CNTN5: variants seen among roughly 807,000 people sequenced by gnomAD.
The protein encoded by CNTN5 is contactin-5.
In CNTN5, 77 loss-of-function variants were observed where a neutral mutation model predicts 129.1. The ratio of observed to expected loss-of-function variants is 0.60; its 90% CI spans 0.50 to 0.72. CNTN5 has a LOEUF of 0.72. Among genes scored for constraint, CNTN5 ranks in the 30% least tolerant of loss-of-function variants. The pLI, the probability that CNTN5 is intolerant of heterozygous loss-of-function variation, is 0.00. For synonymous variants in CNTN5, 509 were observed against 465.6 expected, an observed-to-expected ratio of 1.09 and a Z score of -1.20; for missense variants, 1,478 against 1,328.8, an observed-to-expected ratio of 1.11 and a Z score of -1.75.
At chr11:99,382,476 C>A (rs566592221) in intron 2 of CNTN5, among the ~76,000 whole-genome samples, 3 of 152,102 alleles carry the variant, frequency 2.0e-5, no homozygotes, top group Non-Finnish European at 4.4e-5. Context: ...AATTTGACAG[C>A]CTCCAATTTA....
intron 16 of CNTN5, among the ~76,000 whole-genome samples, chr11:100,248,064 A>G (rs140293079): frequency 4.6e-5 from 7 of 152,302 alleles, no homozygotes; most frequent in African/African-American, 1.7e-4. Context: ...TCTCCAGAGC[A>G]TATTCCTGCA....
intron 8 of CNTN5, among the ~76,000 whole-genome samples, chr11:99,990,957 G>C (rs1217869280): frequency 6.6e-6 from 1 of 152,154 alleles, no homozygotes; most frequent in Non-Finnish European, 1.5e-5. Context: ...CAGAGCTAGG[G>C]CTGGAGGAGG....
chr11:99,965,945 T>C (rs1205377621), intron 8 of CNTN5, among the ~76,000 whole-genome samples: 1 of 152,194 alleles, frequency 6.6e-6, no homozygotes, highest in African/African-American at 2.4e-5. Flanking sequence ...AAACACTTGT[T>C]CTGAAAATAA....
rs1947480982 is a variant in CNTN5 at position 100,162,261 on chromosome 11, TG to T, written c.1581-28864del. 2.6e-5 allele frequency among the ~76,000 whole-genome samples: 4 copies of T among 151,894 alleles called. No homozygotes were observed. The South Asian group carries it at 8.3e-4, about 31-fold the overall frequency. ...GCCTGACACATATTAACACCATAAA[TG>T]TTAATGATTCTAGTTCTTCCATGCC... On this transcript the variant is annotated intron_variant, in intron 13 of 24. Coordinates refer to ENST00000524871, the MANE Select transcript of CNTN5 (RefSeq NM_014361.4).
At chr11:100,354,736 T>A (rs892857966) in intron 24 of CNTN5, among the ~76,000 whole-genome samples, 1 of 151,686 alleles carries the variant, frequency 6.6e-6, no homozygotes, top group Non-Finnish European at 1.5e-5. Context: ...AGGCATATGG[T>A]ATAGCCTATT....
chr11:100,177,489 A>G (rs950679863), intron 13 of CNTN5, among the ~76,000 whole-genome samples: 8 of 152,208 alleles, frequency 5.3e-5, no homozygotes, highest in African/African-American at 1.4e-4. Context: ...AAACTACTCA[A>G]TGTGTAGTTT....
chr11:100,198,031 A>G (rs17094604), intron 15 of CNTN5, among the ~76,000 whole-genome samples: 10,010 of 151,928 alleles, frequency 0.066, 362 homozygotes, highest in Non-Finnish European at 0.085. Flanking sequence ...GGCCACATAA[A>G]TTGGGGTAAT....
At chr11:99,179,335 G>C (rs1857933029) in intron 1 of CNTN5, among the ~76,000 whole-genome samples, 1 of 152,084 alleles carries the variant, frequency 6.6e-6, no homozygotes, top group South Asian at 2.1e-4. Flanking sequence ...TCAGCTACTT[G>C]AGAGTTTGAG....
intron 1 of CNTN5, among the ~76,000 whole-genome samples, chr11:99,079,175 T>C (rs950820500): frequency 6.6e-6 from 1 of 152,156 alleles, no homozygotes; most frequent in Non-Finnish European, 1.5e-5. Context: ...ATTTGGATAA[T>C]TTTAATGGTA....
intron 9 of CNTN5, among the ~76,000 whole-genome samples, chr11:100,042,366 A>G (rs1010004311): frequency 6.6e-6 from 1 of 152,140 alleles, no homozygotes; most frequent in African/African-American, 2.4e-5. Context: ...TCAAAGATAT[A>G]CAATGTTTCC....
At chr11:99,661,727 T>C (rs1184654095) in intron 3 of CNTN5, among the ~76,000 whole-genome samples, 1 of 152,066 alleles carries the variant, frequency 6.6e-6, no homozygotes, top group Non-Finnish European at 1.5e-5. Context: ...AAAAATCTAA[T>C]ATAAATGTAT....
chr11:100,186,776 A>T (rs1009408497), intron 13 of CNTN5, among the ~76,000 whole-genome samples: 15 of 152,214 alleles, frequency 9.9e-5, no homozygotes, highest in Admixed American at 3.3e-4. Flanking sequence ...AAATTCTATA[A>T]TGTAGAAGCC....
chr11:100,113,783 C>G (rs760969655), intron 13 of CNTN5, among the ~76,000 whole-genome samples: 1 of 152,196 alleles, frequency 6.6e-6, no homozygotes. Flanking sequence ...ACTTTACCTT[C>G]TTGGTAAACT....
intron 2 of CNTN5, among the ~76,000 whole-genome samples, chr11:99,422,514 ATTTT>A (rs373530450): frequency 4.9e-3 from 324 of 66,784 alleles, no homozygotes; most frequent in South Asian, 0.017. Context: ...GTTACTTTAT[ATTTT>A]TATATATATA....
chr11:100,021,530 C>T (rs566206883), intron 9 of CNTN5, among the ~76,000 whole-genome samples: 14 of 152,204 alleles, frequency 9.2e-5, no homozygotes, highest in East Asian at 3.9e-4. Context: ...TTATGCTTCT[C>T]GATAAATTGT....
chr11:99,906,838 A>C (rs1565663125), intron 6 of CNTN5, among the ~76,000 whole-genome samples: 1 of 152,042 alleles, frequency 6.6e-6, no homozygotes, highest in Non-Finnish European at 1.5e-5. Flanking sequence ...TTACTGGTCT[A>C]TTCAGAGGTT....
At chr11:99,021,507 GTATATCTCC>G (rs1481052086) in intron 1 of CNTN5, among the ~76,000 whole-genome samples, 2 of 152,158 alleles carry the variant, frequency 1.3e-5, no homozygotes, top group Admixed American at 1.3e-4. Context: ...TAACCTATTT[GTATATCTCC>G]TAATGCCACC....
chr11:100,133,893 T>C (rs550752440), intron 13 of CNTN5, among the ~76,000 whole-genome samples: 1 of 152,164 alleles, frequency 6.6e-6, no homozygotes, highest in Admixed American at 6.5e-5. Context: ...AAATTCAATT[T>C]ATAATGTCAT....
At chr11:99,066,884 G>C (rs970406002) in intron 1 of CNTN5, among the ~76,000 whole-genome samples, 2 of 152,082 alleles carry the variant, frequency 1.3e-5, no homozygotes, top group Non-Finnish European at 2.9e-5. Context: ...TGGTGACTGC[G>C]ATTCAAGGGC....
Sources: gnomAD v4.1 joint callset for allele counts (sites outside exome capture counted in the v4.1 genomes callset) on GRCh38, gnomAD v4.1.1 for gene constraint, MANE v1.5 for transcripts, NCBI Gene and HGNC (gene_info 2026-07-23, HGNC 2026-07-21) for gene names.